The following CCSER1 variants were observed in gnomAD, a reference collection of about 807,000 sequenced individuals.
CCSER1 encodes serine-rich coiled-coil domain-containing protein 1.
CCSER1 carries 41 observed loss-of-function variants against 82.0 expected under a neutral mutation model. That is an observed-to-expected ratio of 0.50 (90% CI 0.39 to 0.65). CCSER1 has a LOEUF of 0.65. CCSER1 is among the 30% of genes least tolerant of loss of function. CCSER1 has a pLI of 0.00. For missense variants in CCSER1, 1,119 were observed against 1,064.2 expected (o/e 1.05, Z -0.72); for synonymous variants, 414 against 383.9 (o/e 1.08, Z -0.92).
In CCSER1 at chr4:90,135,130, A is replaced by G. The variant is rs182516210; in HGVS notation, c.-42+7299A>G. Among the ~76,000 whole-genome samples the G allele has an allele frequency of 2.6e-5, 4 of 152,304 alleles. No homozygotes were observed. The East Asian group carries it at 5.8e-4, about 22-fold the overall frequency. On this transcript the variant is annotated intron_variant, in intron 1 of 10. Transcript: ENST00000509176. ...CTCCTGATTCGGAAGCATTCTTTCT[A>G]TATAATGAAAAATTAACTGATTTCT...
intron 6 of CCSER1, among the ~76,000 whole-genome samples, chr4:90,707,688 A>T (rs868578872): frequency 6.6e-6 from 1 of 152,014 alleles, no homozygotes; most frequent in East Asian, 1.9e-4. Context: ...TGTCTTTGTA[A>T]TGGTGCATTT....
At chr4:91,179,977 G>A (rs1282281087) in intron 10 of CCSER1, among the ~76,000 whole-genome samples, 1 of 152,206 alleles carries the variant, frequency 6.6e-6, no homozygotes, top group Non-Finnish European at 1.5e-5. Context: ...GTGATGTACA[G>A]ATGGGGTTTT....
At chr4:91,446,541 C>A (rs1755566130) in intron 10 of CCSER1, among the ~76,000 whole-genome samples, 1 of 149,148 alleles carries the variant, frequency 6.7e-6, no homozygotes, top group Non-Finnish European at 1.5e-5. Context: ...CAGATGAATA[C>A]ATAACAACTG....
chr4:90,135,618 T>C (rs988788034), intron 1 of CCSER1, among the ~76,000 whole-genome samples: 3 of 152,232 alleles, frequency 2.0e-5, no homozygotes, highest in Non-Finnish European at 4.4e-5. Context: ...TTTCTAAGTA[T>C]TTACAGCTGT....
rs537535025 is a variant in CCSER1, at chr4:91,466,284, C to T, written c.2218-132288C>T. Among the ~76,000 whole-genome samples, 17 of 152,148 alleles carry T rather than the reference C, an allele frequency of 1.1e-4. 1 individual carries two copies. The East Asian group carries it at 3.3e-3, about 29-fold the overall frequency. On this transcript the variant is annotated intron_variant, in intron 10 of 10. Coordinates refer to ENST00000509176, the MANE Select transcript of CCSER1 (RefSeq NM_001145065.2). The stretch of plus-strand genomic sequence containing the variant: ...ATTATCTCAATAGATGAAGAAAAGG[C>T]CTTTGACAAAATTCAACAGCCCTTC...
At chr4:90,970,829 T>A (rs1271247549) in intron 9 of CCSER1, among the ~76,000 whole-genome samples, 2 of 151,682 alleles carry the variant, frequency 1.3e-5, no homozygotes, top group Non-Finnish European at 2.9e-5. Flanking sequence ...CACTCCTAAA[T>A]AATGAGTTGA....
In CCSER1 at chr4:91,060,967, G is replaced by A. The variant is rs571056085; in HGVS notation, c.2173-24983G>A. ...TTTTTGATACACGTATGTAAAATTG[G>A]TAATTTTTAATTTCTGAATTCTTCT... On this transcript the variant is annotated intron_variant, in intron 9 of 10. Coordinates refer to ENST00000509176, the MANE Select transcript of CCSER1 (RefSeq NM_001145065.2). 3.3e-5 allele frequency among the ~76,000 whole-genome samples: 5 copies of A among 151,918 alleles called. No homozygotes were observed. The East Asian group carries it at 9.7e-4, about 29-fold the overall frequency.
chr4:91,052,687 G>T (rs968787483), intron 9 of CCSER1, among the ~76,000 whole-genome samples: 2 of 152,058 alleles, frequency 1.3e-5, no homozygotes, highest in Non-Finnish European at 2.9e-5. Context: ...TCTGTCTATG[G>T]ATAGAGATAG....
chr4:90,228,255 C>T (rs1000090685), intron 1 of CCSER1, among the ~76,000 whole-genome samples: 2 of 152,190 alleles, frequency 1.3e-5, no homozygotes, highest in African/African-American at 2.4e-5. Flanking sequence ...AGTGTTTCTC[C>T]CAGCACGCAG....
intron 10 of CCSER1, among the ~76,000 whole-genome samples, chr4:91,107,639 CTT>C (rs55901052): frequency 0.21 from 28,751 of 136,178 alleles, 3,481 homozygotes; most frequent in East Asian, 0.69. Context: ...TTCTTTTTCT[CTT>C]TTTTTTTTTT....
chr4:91,171,893 T>G (rs2149004384), intron 10 of CCSER1, among the ~76,000 whole-genome samples: 2 of 152,238 alleles, frequency 1.3e-5, no homozygotes, highest in Non-Finnish European at 2.9e-5. Flanking sequence ...TTTTTATTAT[T>G]TCAATCTATT....
At chr4:90,976,755 C>G (rs10516881) in intron 9 of CCSER1, among the ~76,000 whole-genome samples, 42,977 of 151,238 alleles carry the variant, frequency 0.28, 6,560 homozygotes, top group Non-Finnish European at 0.32. Flanking sequence ...CTTCATACTA[C>G]TAAATTATCA....
At chr4:90,410,232 A>G (rs2153553874) in intron 4 of CCSER1, among the ~76,000 whole-genome samples, 1 of 152,334 alleles carries the variant, frequency 6.6e-6, no homozygotes, top group Admixed American at 6.5e-5. Flanking sequence ...TGAGACAGAA[A>G]GTTAGCAAGG....
At chr4:91,333,759 A>T (rs1230140700) in intron 10 of CCSER1, among the ~76,000 whole-genome samples, 2 of 152,046 alleles carry the variant, frequency 1.3e-5, no homozygotes, top group Non-Finnish European at 2.9e-5. Context: ...ATAGTTTTTA[A>T]AAAACTGATT....
intron 5 of CCSER1, among the ~76,000 whole-genome samples, chr4:90,596,208 T>A (rs539726169): frequency 6.6e-6 from 1 of 152,028 alleles, no homozygotes; most frequent in South Asian, 2.1e-4. Context: ...AAACATGTGT[T>A]AAACTAAAAA....
chr4:91,201,848 T>C (rs1735925169), intron 10 of CCSER1, among the ~76,000 whole-genome samples: 1 of 152,016 alleles, frequency 6.6e-6, no homozygotes, highest in Non-Finnish European at 1.5e-5. Context: ...CCAGCATAGT[T>C]GTCATAATGA....
At chr4:91,263,158 A>G (rs1389971108) in intron 10 of CCSER1, among the ~76,000 whole-genome samples, 1 of 152,118 alleles carries the variant, frequency 6.6e-6, no homozygotes, top group African/African-American at 2.4e-5. Context: ...AGCATATCCT[A>G]GAAAAAAGCA....
chr4:90,168,268 G>T (rs1372694476), intron 1 of CCSER1, among the ~76,000 whole-genome samples: 3 of 152,116 alleles, frequency 2.0e-5, no homozygotes, highest in Admixed American at 6.5e-5. Flanking sequence ...CTGCATAAAT[G>T]TCTTCTTTTG....
chr4:91,577,023 A>AAGTC, intron 10 of CCSER1, among the ~76,000 whole-genome samples: 1 of 152,130 alleles, frequency 6.6e-6, no homozygotes, highest in South Asian at 2.1e-4. Flanking sequence ...AAAGCTAAAA[A>AAGTC]AGTCATAATT....
Sources: allele counts gnomAD v4.1 joint callset (sites outside exome capture counted in the v4.1 genomes callset), GRCh38; gene constraint gnomAD v4.1.1; transcripts MANE v1.5; gene names NCBI Gene and HGNC (gene_info 2026-07-23, HGNC 2026-07-21).